MBD5: variants seen among roughly 807,000 people sequenced by gnomAD.
MBD5 encodes methyl-CpG binding domain protein 5.
In MBD5, 13 loss-of-function variants were observed where a neutral mutation model predicts 117.3. The observed-to-expected ratio is 0.11, with a 90% CI of 0.07 to 0.18. The LOEUF is 0.18. MBD5 is among the 10% of genes least tolerant of loss of function. The pLI, the probability that MBD5 is intolerant of heterozygous loss-of-function variation, is 1.00. For missense variants in MBD5, 1,879 were observed against 2,093.8 expected (o/e 0.90, Z 2.00); for synonymous variants, 727 against 766.4 (o/e 0.95, Z 0.85).
intron 1 of MBD5, among the ~76,000 whole-genome samples, chr2:148,135,261 A>G (rs1432928299): frequency 6.6e-6 from 1 of 152,164 alleles, no homozygotes; most frequent in Non-Finnish European, 1.5e-5. Flanking sequence ...GAGCCCTTCT[A>G]TTCACAAACA....
chr2:148,164,346 G>A (rs1326648029), intron 1 of MBD5, among the ~76,000 whole-genome samples: 2 of 152,026 alleles, frequency 1.3e-5, no homozygotes, highest in Non-Finnish European at 2.9e-5. Flanking sequence ...GAGGATCCCT[G>A]TTGCACCAGG....
At chr2:148,260,042 A>G (rs1700696131) in intron 3 of MBD5, among the ~76,000 whole-genome samples, 1 of 152,196 alleles carries the variant, frequency 6.6e-6, no homozygotes, top group Non-Finnish European at 1.5e-5. Context: ...TGATTGCTGA[A>G]TGTTGGGTTG....
intron 1 of MBD5, among the ~76,000 whole-genome samples, chr2:148,108,913 A>T (rs16828258): frequency 0.012 from 1,876 of 152,302 alleles, 45 homozygotes; most frequent in African/African-American, 0.043. Context: ...TGGGCATTAC[A>T]TTTGCAAAGT....
rs1697281997 is a variant in MBD5 at position 148,140,286 on chromosome 2, T to C, written c.-924-38414T>C. Among the ~76,000 whole-genome samples the C allele has an allele frequency of 2.0e-5, 3 of 152,218 alleles. No homozygotes were observed. The South Asian group carries it at 6.2e-4, about 31-fold the overall frequency. On this transcript the variant is annotated intron_variant, in intron 1 of 13. Transcript: ENST00000642680. ...TGAATTTTAGACAAATAATGCATTT[T>C]AGTGTAACTAAATTGAAAGCACCAA...
intron 1 of MBD5, among the ~76,000 whole-genome samples, chr2:148,024,555 G>T (rs1309987130): frequency 6.6e-6 from 1 of 152,128 alleles, no homozygotes; most frequent in Non-Finnish European, 1.5e-5. Context: ...AGGCATATTT[G>T]AATTTCTTTA....
chr2:148,320,256 G>C (rs1448035831), intron 3 of MBD5, among the ~76,000 whole-genome samples: 1 of 152,142 alleles, frequency 6.6e-6, no homozygotes, highest in African/African-American at 2.4e-5. Context: ...CTCATAGAAT[G>C]AGTTAGATAG....
intron 5 of MBD5, among the ~76,000 whole-genome samples, chr2:148,462,345 T>G (rs999386839): frequency 6.6e-6 from 1 of 152,212 alleles, no homozygotes; most frequent in Non-Finnish European, 1.5e-5. Context: ...TTCAGAATAC[T>G]TTTATTTAAT....
At chr2:148,124,737 CA>C (rs1463327723) in intron 1 of MBD5, among the ~76,000 whole-genome samples, 1 of 152,000 alleles carries the variant, frequency 6.6e-6, no homozygotes, top group African/African-American at 2.4e-5. Context: ...TTCCCTATTT[CA>C]AAATGCAAAA....
intron 1 of MBD5, among the ~76,000 whole-genome samples, chr2:148,127,311 G>T (rs1696925961): frequency 1.3e-5 from 2 of 152,108 alleles, no homozygotes; most frequent in African/African-American, 4.8e-5. Flanking sequence ...GTGCCATGGT[G>T]GTTTGCTGGA....
intron 3 of MBD5, among the ~76,000 whole-genome samples, chr2:148,341,596 A>T (rs1169890353): frequency 2.0e-5 from 3 of 152,034 alleles, no homozygotes; most frequent in Admixed American, 6.6e-5. Flanking sequence ...TTTCCATTTT[A>T]ACTTAAAAGG....
At chr2:148,466,191 A>G (rs572653057) in intron 7 of MBD5, among the ~76,000 whole-genome samples, 2 of 152,124 alleles carry the variant, frequency 1.3e-5, no homozygotes, top group South Asian at 4.2e-4. Flanking sequence ...GTAGTTTTTC[A>G]CCTCCCATTA....
chr2:148,244,865 T>C (rs1313222922), intron 3 of MBD5, among the ~76,000 whole-genome samples: 1 of 152,186 alleles, frequency 6.6e-6, no homozygotes, highest in Non-Finnish European at 1.5e-5. Flanking sequence ...GAGGTTTTTT[T>C]TCCTATGACC....
At chr2:148,449,172 T>A (rs1706652496) in intron 4 of MBD5, among the ~76,000 whole-genome samples, 1 of 152,096 alleles carries the variant, frequency 6.6e-6, no homozygotes, top group African/African-American at 2.4e-5. Flanking sequence ...TAAATTTTTT[T>A]AAAGATATGT....
chr2:148,183,246 T>C lies in MBD5; in HGVS notation c.-831+4453T>C, dbSNP rs140458289. Among the ~76,000 whole-genome samples the C allele has an allele frequency of 3.8e-3, 576 of 152,212 alleles. 4 individuals are homozygous for C. Among genetic ancestry groups the C allele is most frequent in the African/African-American group, 0.013 (542 of 41,546 alleles). On this transcript the variant is annotated intron_variant, in intron 2 of 13. Transcript: ENST00000642680. ...AATTTGATATATAGTATGTATCTGA[T>C]TGTAGTTAACTCCAGGAGATTTTCC...
chr2:148,127,870 T>C (rs1210531594), intron 1 of MBD5, among the ~76,000 whole-genome samples: 1 of 152,230 alleles, frequency 6.6e-6, no homozygotes, highest in African/African-American at 2.4e-5. Flanking sequence ...AGTGTTCCTT[T>C]TTCTGCACAA....
At chr2:148,242,730 T>A (rs1700242910) in intron 3 of MBD5, among the ~76,000 whole-genome samples, 1 of 152,170 alleles carries the variant, frequency 6.6e-6, no homozygotes, top group Non-Finnish European at 1.5e-5. Flanking sequence ...TGTCAGAGTT[T>A]CCTTATGACT....
intron 1 of MBD5, among the ~76,000 whole-genome samples, chr2:148,087,922 G>T (rs7595067): frequency 0.42 from 63,106 of 151,734 alleles, 13,318 homozygotes; most frequent in Middle Eastern, 0.54. Context: ...GCTATTCAAA[G>T]AGATACCAGA....
At position 148,372,438 on chromosome 2, in the gene MBD5, C is replaced by T. The variant is rs553213410; in HGVS notation, c.-557+30102C>T. Among the ~76,000 whole-genome samples the T allele has an allele frequency of 2.6e-5, 4 of 151,874 alleles. No individual in the cohort carries two copies. In the South Asian group the frequency reaches 6.3e-4, roughly 24 times the overall value. ...AATCGACCTTTTCAGAGTGACACAG[C>T]GAAAAGAATATGTGTTTATTAATGA... On this transcript the variant is annotated intron_variant, in intron 4 of 13. Transcript: ENST00000642680.
chr2:148,200,482 G>A (rs1026815333), intron 2 of MBD5, among the ~76,000 whole-genome samples: 4 of 152,090 alleles, frequency 2.6e-5, no homozygotes, highest in African/African-American at 9.7e-5. Flanking sequence ...ATGAGGTCAG[G>A]AGATTGAGAC....
Sources: gnomAD v4.1 joint callset for allele counts (sites outside exome capture counted in the v4.1 genomes callset) on GRCh38, gnomAD v4.1.1 for gene constraint, MANE v1.5 for transcripts, NCBI Gene and HGNC (gene_info 2026-07-23, HGNC 2026-07-21) for gene names.